The following MTMR10 variants were observed in gnomAD, a reference collection of about 807,000 sequenced individuals.
MTMR10 encodes the protein myotubularin-related protein 10.
In MTMR10, 56 loss-of-function variants were observed where a neutral mutation model predicts 88.1. That is an observed-to-expected ratio of 0.64 (90% CI 0.51 to 0.79). The LOEUF (loss-of-function observed/expected upper bound fraction) is 0.79, where lower values mean the gene tolerates loss of function less well. Among genes scored for constraint, MTMR10 ranks in the 30% least tolerant of loss-of-function variants. The pLI, the probability that MTMR10 is intolerant of heterozygous loss-of-function variation, is 0.00. For synonymous variants in MTMR10, 380 were observed against 340.9 expected (o/e 1.11, Z -1.26); for missense variants, 883 against 924.7 (o/e 0.95, Z 0.58).
chr15:30,926,354 C>T, the MTMR10 span, among the ~76,000 whole-genome samples: 10 of 152,178 alleles, frequency 6.6e-5, no homozygotes, highest in East Asian at 3.9e-4. Context: ...TAGTCGCTTT[C>T]GGGAACAGCC....
At chr15:30,942,614 A>C (rs2140988917) in intron 15 of MTMR10, 1 of 409,938 alleles carries the variant, frequency 2.4e-6, no homozygotes, top group African/African-American at 2.0e-5. Flanking sequence ...GGCGGCTTGA[A>C]TCATCAAGAA....
At position 30,941,792 on chromosome 15, in the gene MTMR10, C is replaced by G; in HGVS notation, c.2012G>C (p.Ser671Thr). 2 of 1,614,042 alleles carry G rather than the reference C, an allele frequency of 1.2e-6. No individual in the cohort carries two copies. Among genetic ancestry groups the G allele is most frequent in the Non-Finnish European group, 1.7e-6 (2 of 1,179,892 alleles). The change falls in exon 16 of 16, where the codon AGC becomes ACC. Residue 671 changes from serine to threonine, a missense_variant. Around this residue, in one of 3 missense-constraint regions of MTMR10, gnomAD observed 343 missense variants for 323.2 expected, o/e 1.06. Transcript: ENST00000435680. ...AAAGGCTGTGATGGAGCCACCCAGGCTGATCTGGGCCTCGGGAACCCAGCG... is the reference window on the plus strand; with the variant it reads ...AAAGGCTGTGATGGAGCCACCCAGGGTGATCTGGGCCTCGGGAACCCAGCG... The part of the protein sequence containing the change: ...YFRWVPEAQI[S>T]LGGSITAFHK...
At chr15:30,976,745 T>C (rs961478906) in intron 3 of MTMR10, 74 bp downstream of exon 3, 6 of 1,466,528 alleles carry the variant, frequency 4.1e-6, no homozygotes, top group South Asian at 4.0e-5. Flanking sequence ...TCCATACCTA[T>C]GTTTTATATA....
intron 9 of MTMR10, among the ~76,000 whole-genome samples, chr15:30,956,827 T>C (rs2063334183): frequency 6.6e-6 from 1 of 152,224 alleles, no homozygotes; most frequent in Non-Finnish European, 1.5e-5. Context: ...CAATTGTCCC[T>C]TTAACAGCAA....
At chr15:30,942,747 A>T in intron 15 of MTMR10, 143 bp downstream of exon 15, 1 of 819,764 alleles carries the variant, frequency 1.2e-6, no homozygotes, top group Non-Finnish European at 1.8e-6. Flanking sequence ...CAGTCATTTG[A>T]GTTAAAAAGG....
At chr15:30,972,292 T>A (rs890204010) in intron 5 of MTMR10, among the ~76,000 whole-genome samples, 2 of 152,210 alleles carry the variant, frequency 1.3e-5, no homozygotes, top group African/African-American at 4.8e-5. Context: ...CAAGCTTTGG[T>A]AGCCATATAC....
At chr15:30,971,779 G>A (rs925909592) in intron 5 of MTMR10, among the ~76,000 whole-genome samples, 1 of 152,088 alleles carries the variant, frequency 6.6e-6, no homozygotes, top group Non-Finnish European at 1.5e-5. Context: ...GTTCTAAGTT[G>A]CTATGAGGTT....
intron 2 of MTMR10, among the ~76,000 whole-genome samples, chr15:30,987,026 G>C (rs965877956): frequency 6.6e-6 from 1 of 152,162 alleles, no homozygotes; most frequent in Non-Finnish European, 1.5e-5. Flanking sequence ...GTATTGGAGT[G>C]ATTTTACACA....
At chr15:30,976,378 C>T (rs2030153815) in intron 3 of MTMR10, among the ~76,000 whole-genome samples, 1 of 152,026 alleles carries the variant, frequency 6.6e-6, no homozygotes, top group Non-Finnish European at 1.5e-5. Flanking sequence ...TGCACTCCAG[C>T]CTGGGAGACA....
At chr15:30,974,513 C>A in intron 4 of MTMR10, 57 bp from the exon 5 acceptor site, 1 of 1,343,748 alleles carries the variant, frequency 7.4e-7, no homozygotes, top group South Asian at 1.9e-5. Flanking sequence ...TTGTTACTCA[C>A]CCTTTAATAC....
downstream of MTMR10, among the ~76,000 whole-genome samples, chr15:30,937,878 G>T (rs546524996): frequency 3.3e-5 from 5 of 151,032 alleles, no homozygotes; most frequent in South Asian, 8.6e-4. Context: ...TCATCTTTAG[G>T]TTTTTTTTAT....
In MTMR10 at chr15:30,974,356, G is replaced by A. The variant is rs767760586; in HGVS notation, c.432C>T (p.Val144=). 2.5e-6 allele frequency: 4 copies of A among 1,605,584 alleles called. No individual in the cohort carries two copies. In the Admixed American group the frequency reaches 6.7e-5, roughly 27 times the overall value. Residue 144 remains valine (V), a synonymous_variant, in exon 5 of 16, where the codon GTC becomes GTT. Transcript: ENST00000435680. ...GACCTGATTCATCAAAGCGAAATCT[G>A]ACAATTCTGAAATCTTTACAATAAA... ...LIIYCKDFRI[V]RFRFDESGPE...
Position 30,974,401 on chromosome 15 carries a change from A to T in MTMR10, c.387T>A (p.Phe129Leu), listed in dbSNP as rs1305521840. ...AATAAATAATTAACTCTGTTGGATT[A>T]AATTTCAGTTTCTGGTTGGGGCCTA... The part of the protein sequence containing the change: ...KVLGPNQKLK[F>L]NPTELIIYCK... Residue 129 changes from phenylalanine (F) to leucine (L), a missense_variant, in exon 5 of 16, where the codon TTT becomes TTA. Physicochemically the swap from Phe to Leu is conservative, Grantham distance 22 (BLOSUM62 0). This residue lies in a region of MTMR10 where 414 missense variants were observed against 423.2 expected (regional missense o/e 0.98). Transcript: ENST00000435680. 1.9e-6 allele frequency: 3 copies of T among 1,608,004 alleles called. No individual in the cohort carries two copies. The highest frequency in any genetic ancestry group is 2.6e-6 in the Non-Finnish European group (3 of 1,176,304).
At position 30,991,235 on chromosome 15, in the gene MTMR10, G is replaced by A. The variant is rs996593213; in HGVS notation, c.60+212C>T. 9.9e-6 allele frequency: 5 copies of A among 504,936 alleles called. No individual in the cohort carries two copies. In the African/African-American group the frequency reaches 1.0e-4, roughly 10 times the overall value. 31.3% of individuals were successfully genotyped at this position (504,936 alleles called of 1,614,324 possible). A position where few individuals can be genotyped will look rare whatever the true frequency, so the allele number is the denominator to read the frequency against. On this transcript the variant is annotated intron_variant, in intron 1 of 15. Coordinates refer to ENST00000435680, the MANE Select transcript of MTMR10 (RefSeq NM_017762.3). ...TACGGACGACAGAACTTCGGGCAGA[G>A]AATGGCTGCAGAAGAGTTTTACAAG...
the MTMR10 span, among the ~76,000 whole-genome samples, chr15:30,920,381 CTGTGAGAATGTAGGTT>C: frequency 4.6e-5 from 7 of 152,136 alleles, no homozygotes; most frequent in Non-Finnish European, 1.0e-4. Context: ...TGGTAGCTGG[CTGTGAGAATGTAGGTT>C]TGTGGTGTAG....
chr15:30,943,244 C>T, intron 14 of MTMR10, 172 bp from the exon 15 acceptor site: 4 of 1,370,868 alleles, frequency 2.9e-6, no homozygotes, highest in Non-Finnish European at 3.7e-6. Flanking sequence ...CCTTTGAGCT[C>T]AGAGGGCCCC....
chr15:30,978,895 C>T (rs766832726), intron 2 of MTMR10, among the ~76,000 whole-genome samples: 1 of 120,990 alleles, frequency 8.3e-6, no homozygotes, highest in Non-Finnish European at 1.8e-5. Flanking sequence ...TTTAAGATGA[C>T]CAAATATATA....
the MTMR10 span, chr15:30,926,028 T>C: frequency 7.6e-7 from 1 of 1,320,966 alleles, no homozygotes; most frequent in Non-Finnish European, 1.1e-6. Context: ...GCTGCTGTCC[T>C]CTCTCTGTCC....
rs758142405 is a variant in MTMR10 at position 30,976,890 on chromosome 15, C to A, written c.187G>T (p.Asp63Tyr). Residue 63 changes from aspartate to tyrosine, a missense_variant, in exon 3 of 16, where the codon GAT becomes TAT. Asp to Tyr is a radical substitution (Grantham distance 160). Coordinates refer to ENST00000435680, the MANE Select transcript of MTMR10 (RefSeq NM_017762.3). ...KCIATDTSQY[D>Y]LWGKLICSNF... ...CTGCATATCAGCTTTCCCCACAAATCGTACTGGCTTGTGTCTGTTGCAATG... is the reference window on the plus strand; with the variant it reads ...CTGCATATCAGCTTTCCCCACAAATAGTACTGGCTTGTGTCTGTTGCAATG... 1 of 1,613,844 alleles carries A rather than the reference C, an allele frequency of 6.2e-7. No homozygotes were observed. Among genetic ancestry groups the A allele is most frequent in the South Asian group, 1.1e-5 (1 of 91,074 alleles).
Sources: gnomAD v4.1 joint callset for allele counts (sites outside exome capture counted in the v4.1 genomes callset) on GRCh38, gnomAD v4.1.1 for gene constraint, gnomAD v4.1.1 regional missense constraint, MANE v1.5 for transcripts, NCBI Gene and HGNC (gene_info 2026-07-23, HGNC 2026-07-21) for gene names.